Variants in ITPR2 observed in about 807,000 individuals in gnomAD.
ITPR2 encodes inositol 1,4,5-trisphosphate-gated calcium channel ITPR2.
A neutral mutation model predicts 317.1 loss-of-function variants in ITPR2; 207 were observed. That is an observed-to-expected ratio of 0.65 (90% CI 0.58 to 0.73). The LOEUF (loss-of-function observed/expected upper bound fraction) is 0.73, where lower values mean the gene tolerates loss of function less well. Ranked by LOEUF, ITPR2 falls within the 30% of genes least tolerant of loss-of-function variation. The probability of loss-of-function intolerance (pLI) is 0.00; values close to 1 mark genes in which losing one functional copy is unlikely to be tolerated. For synonymous variants in ITPR2, 1,156 were observed against 1,149.1 expected (o/e 1.01, Z -0.12); for missense variants, 2,613 against 3,284.0 (o/e 0.80, Z 4.99).
chr12:26,756,236 TTTTAAG>T (rs1949517308), intron 2 of ITPR2, among the ~76,000 whole-genome samples: 1 of 152,222 alleles, frequency 6.6e-6, no homozygotes, highest in South Asian at 2.1e-4. Flanking sequence ...CATCAGTTGT[TTTTAAG>T]TTTGTTTCTG....
chr12:26,652,598 G>GT (rs1207880140), intron 21 of ITPR2, among the ~76,000 whole-genome samples: 1 of 152,148 alleles, frequency 6.6e-6, no homozygotes. Context: ...ATTTACAGCT[G>GT]TACCTCTCAC....
chr12:26,716,739 T>C (rs1286996865), intron 5 of ITPR2, among the ~76,000 whole-genome samples: 1 of 152,202 alleles, frequency 6.6e-6, no homozygotes, highest in Non-Finnish European at 1.5e-5. Context: ...AATTCTAATG[T>C]CAGCTCGATT....
At chr12:26,760,364 C>A (rs1949608876) in intron 2 of ITPR2, among the ~76,000 whole-genome samples, 1 of 152,064 alleles carries the variant, frequency 6.6e-6, no homozygotes, top group Admixed American at 6.5e-5. Context: ...TATTTAATTT[C>A]TAAATAAACC....
At chr12:26,782,029 TATATGTATAGAG>T (rs1193394448) in intron 2 of ITPR2, among the ~76,000 whole-genome samples, 20 of 24,130 alleles carry the variant, frequency 8.3e-4, no homozygotes, top group Admixed American at 1.0e-3. Flanking sequence ...TATATATATA[TATATGTATAGAG>T]AGAGAGAGAG....
intron 55 of ITPR2, among the ~76,000 whole-genome samples, chr12:26,385,050 A>G (rs975973614): frequency 6.6e-6 from 1 of 152,138 alleles, no homozygotes; most frequent in African/African-American, 2.4e-5. Context: ...TCTACACATC[A>G]TCTCACTGAG....
Position 26,337,662 on chromosome 12 carries a change from G to A in ITPR2, c.*1735C>T, listed in dbSNP as rs907374656. ...CTAGGTTCAAAGTTCTGTGCTGCATGCAGACATATCAAAATTTCTTATATC... is the reference window on the plus strand; with the variant it reads ...CTAGGTTCAAAGTTCTGTGCTGCATACAGACATATCAAAATTTCTTATATC... On this transcript the variant is annotated 3_prime_UTR_variant, in exon 57 of 57. Coordinates refer to ENST00000381340, the MANE Select transcript of ITPR2 (RefSeq NM_002223.4). 1 of 152,218 alleles carries A rather than the reference G, an allele frequency of 6.6e-6. No individual in the cohort carries two copies. 9.4% of individuals were successfully genotyped at this position (152,218 alleles called of 1,614,324 possible).
chr12:26,411,365 A>C lies in ITPR2; in HGVS notation c.7354T>G (p.Cys2452Gly). ...TMTLTTMMEA[C>G]AKENCSPTIP... ...GTGGGTGAACAGTTCTCCTTGGCACATGCTTCCATCATGGTAGTTAAAGTC... is the reference window on the plus strand; with the variant it reads ...GTGGGTGAACAGTTCTCCTTGGCACCTGCTTCCATCATGGTAGTTAAAGTC... The change falls in exon 52 of 57, where the codon TGT becomes GGT. Residue 2452 changes from cysteine (C) to glycine (G), a missense_variant. Transcript: ENST00000381340. 6.2e-7 allele frequency: 1 copy of C among 1,613,716 alleles called. No individual in the cohort carries two copies. Among genetic ancestry groups the C allele is most frequent in the Non-Finnish European group, 8.5e-7 (1 of 1,179,756 alleles).
chr12:26,572,721 T>A (rs1295195324), intron 34 of ITPR2, among the ~76,000 whole-genome samples: 1 of 152,202 alleles, frequency 6.6e-6, no homozygotes, highest in East Asian at 1.9e-4. Flanking sequence ...ATGGTTTCCT[T>A]ACTTGGGGCT....
intron 48 of ITPR2, among the ~76,000 whole-genome samples, chr12:26,428,966 G>C (rs1941136173): frequency 6.6e-6 from 1 of 152,152 alleles, no homozygotes; most frequent in Non-Finnish European, 1.5e-5. Flanking sequence ...ACAAAATGGA[G>C]ACTTTCCACT....
chr12:26,781,992 GTA>G lies in ITPR2; in HGVS notation c.163+8163_163+8164del, dbSNP rs1161714052. ...TTAATACTACTTAATAAACTCCCCT[GTA>G]TATATATATATATATATATATATAT... On this transcript the variant is annotated intron_variant, in intron 2 of 56. Coordinates refer to ENST00000381340, the MANE Select transcript of ITPR2 (RefSeq NM_002223.4). 9.8e-3 allele frequency among the ~76,000 whole-genome samples: 555 copies of G among 56,920 alleles called. 3 individuals are homozygous for G. The highest frequency in any genetic ancestry group is 0.013 in the African/African-American group (177 of 13,826). The allele number at this position is 56,920 out of a possible 152,430, so 37.3% of individuals were successfully genotyped here. A position where few individuals can be genotyped will look rare whatever the true frequency, so the allele number is the denominator to read the frequency against.
chr12:26,656,372 T>TC lies in ITPR2; in HGVS notation c.2368dup (p.Asp790GlyfsTer26). The TC allele has an allele frequency of 1.2e-6, 2 of 1,614,160 alleles. No individual in the cohort carries two copies. The highest frequency in any genetic ancestry group is 1.7e-6 in the Non-Finnish European group (2 of 1,180,034). On this transcript the variant is annotated frameshift_variant, in exon 19 of 57. Coordinates refer to ENST00000381340, the MANE Select transcript of ITPR2 (RefSeq NM_002223.4). LOFTEE classifies it high-confidence loss of function. ...AACAGGCACCACGGACTCCTGGGGA[T>TC]CCCGGTCAACGTGCATGTGGAGCAT...
At chr12:26,633,143 A>T (rs79953736) in intron 21 of ITPR2, among the ~76,000 whole-genome samples, 3 of 17,442 alleles carry the variant, frequency 1.7e-4, no homozygotes, top group East Asian at 0.071. Context: ...GATTTTTATT[A>T]AAAAAAAAAA....
At chr12:26,400,349 A>T in intron 52 of ITPR2, 91 bp from the exon 53 acceptor site, 3 of 546,766 alleles carry the variant, frequency 5.5e-6, no homozygotes, top group African/African-American at 2.0e-5. Flanking sequence ...TACAATAAAT[A>T]TACATACATA....
chr12:26,772,441 T>TTA (rs1203759099), intron 2 of ITPR2, among the ~76,000 whole-genome samples: 2 of 101,262 alleles, frequency 2.0e-5, no homozygotes, highest in Non-Finnish European at 3.9e-5. Flanking sequence ...AATACATGTA[T>TTA]TATATATATT....
chr12:26,418,537 A>C (rs1290478667), intron 50 of ITPR2, among the ~76,000 whole-genome samples: 1 of 152,214 alleles, frequency 6.6e-6, no homozygotes, highest in African/African-American at 2.4e-5. Context: ...TTTAACAGCA[A>C]GGACATATTA....
chr12:26,389,767 TATTAA>T (rs1356710435), intron 54 of ITPR2, among the ~76,000 whole-genome samples: 2 of 152,214 alleles, frequency 1.3e-5, no homozygotes, highest in Non-Finnish European at 2.9e-5. Flanking sequence ...AAATCGAAGT[TATTAA>T]ATTAAATTGG....
At chr12:26,388,187 C>T (rs372270876) in intron 54 of ITPR2, among the ~76,000 whole-genome samples, 2 of 152,178 alleles carry the variant, frequency 1.3e-5, no homozygotes, top group East Asian at 1.9e-4. Flanking sequence ...ATTTCCAGGG[C>T]ACATTTTTAA....
chr12:26,407,145 T>G (rs1940380465), intron 52 of ITPR2, among the ~76,000 whole-genome samples: 1 of 152,150 alleles, frequency 6.6e-6, no homozygotes, highest in Admixed American at 6.6e-5. Flanking sequence ...GATGGAGACT[T>G]TCCCCCAATG....
Position 26,340,303 on chromosome 12 carries a change from C to T in ITPR2, c.7883G>A (p.Arg2628Gln), listed in dbSNP as rs748105897. 1.9e-6 allele frequency: 3 copies of T among 1,603,538 alleles called. No individual in the cohort carries two copies. The highest frequency in any genetic ancestry group is 8.5e-7 in the Non-Finnish European group (1 of 1,175,286). ...IVEKNLDWFP[R>Q]MRAMSLVSNE... Reference sequence around the variant, plus strand: ...GCTAACGAGGGACATGGCTCGCATCCGAGGAAACCAATCCAAATTCTTCTC... The same window carrying T: ...GCTAACGAGGGACATGGCTCGCATCTGAGGAAACCAATCCAAATTCTTCTC... Residue 2628 changes from arginine (R) to glutamine (Q), a missense_variant, in exon 56 of 57, where the codon CGG becomes CAG. Arg to Gln is a conservative substitution (Grantham distance 43). Transcript: ENST00000381340.
Sources: gnomAD v4.1 joint callset for allele counts (sites outside exome capture counted in the v4.1 genomes callset) on GRCh38, gnomAD v4.1.1 for gene constraint, MANE v1.5 for transcripts, NCBI Gene and HGNC (gene_info 2026-07-23, HGNC 2026-07-21) for gene names.